The following HECW1 variants were observed in gnomAD, a reference collection of about 807,000 sequenced individuals.
The protein encoded by HECW1 is E3 ubiquitin-protein ligase HECW1.
HECW1 carries 61 observed loss-of-function variants against 182.3 expected under a neutral mutation model. The ratio of observed to expected loss-of-function variants is 0.33; its 90% CI spans 0.27 to 0.41. The LOEUF (loss-of-function observed/expected upper bound fraction) is 0.41. Among genes scored for constraint, HECW1 ranks in the 10% least tolerant of loss-of-function variants. The pLI is 1.00. For missense variants in HECW1, 1,739 were observed against 2,108.9 expected, an observed-to-expected ratio of 0.82 and a Z score of 3.44; for synonymous variants, 859 against 832.6, an observed-to-expected ratio of 1.03 and a Z score of -0.55.
chr7:43,377,468 A>C (rs2074378076), intron 6 of HECW1, among the ~76,000 whole-genome samples: 1 of 152,086 alleles, frequency 6.6e-6, no homozygotes, highest in African/African-American at 2.4e-5. Context: ...AGAGCATTAG[A>C]TCCCACTTCT....
chr7:43,553,418 C>T (rs2081911744), intron 28 of HECW1, among the ~76,000 whole-genome samples: 1 of 152,094 alleles, frequency 6.6e-6, no homozygotes, highest in South Asian at 2.1e-4. Flanking sequence ...TGACTCATGC[C>T]TGTAATCCCA....
At chr7:43,333,005 C>T (rs1811687913) in intron 5 of HECW1, among the ~76,000 whole-genome samples, 1 of 152,212 alleles carries the variant, frequency 6.6e-6, no homozygotes, top group African/African-American at 2.4e-5. Flanking sequence ...CCTTCAGAGA[C>T]TGCTCTTTAG....
intron 5 of HECW1, among the ~76,000 whole-genome samples, chr7:43,338,181 G>A (rs934978930): frequency 3.3e-5 from 5 of 152,144 alleles, no homozygotes; most frequent in African/African-American, 1.2e-4. Context: ...TGCTGCTCTT[G>A]TCGTTGGCCT....
At chr7:43,188,123 G>A (rs1288959846) in intron 2 of HECW1, among the ~76,000 whole-genome samples, 1 of 152,214 alleles carries the variant, frequency 6.6e-6, no homozygotes, top group Non-Finnish European at 1.5e-5. Context: ...GTTCCAGACT[G>A]AGGATGTCTC....
At chr7:43,478,776 A>T (rs1053744747) in intron 16 of HECW1, among the ~76,000 whole-genome samples, 2 of 152,144 alleles carry the variant, frequency 1.3e-5, no homozygotes, top group African/African-American at 2.4e-5. Flanking sequence ...GAAAATATAC[A>T]CATTCTATAA....
Position 43,444,598 on chromosome 7 carries a change from G to C in HECW1, c.1426G>C (p.Gly476Arg), listed in dbSNP as rs375279794. Reference sequence around the variant, plus strand: ...GGCATCAGCACTGCTGCTGGAAGACGGTGAAGCCCCAGCCAGCACCAAGGA... The same window carrying C: ...GGCATCAGCACTGCTGCTGGAAGACCGTGAAGCCCCAGCCAGCACCAAGGA... ...EEASALLLED[G>R]EAPASTKEEP... The change falls in exon 11 of 30, where the codon GGT becomes CGT. Residue 476 changes from glycine to arginine, a missense_variant. By Grantham distance (125) the Gly-to-Arg change is moderately radical. This residue lies in a region of HECW1 where 971 missense variants were observed against 1,029.1 expected (regional missense o/e 0.94). Transcript: ENST00000395891. This position sits in a 1 kb window ranked among gnomAD's most constrained non-coding sequence, Gnocchi z 4.3. 6.8e-6 allele frequency: 11 copies of C among 1,610,648 alleles called. No individual in the cohort carries two copies. In the African/African-American group the frequency reaches 1.5e-4, roughly 22 times the overall value.
At chr7:43,296,561 T>C (rs1455828860) in intron 3 of HECW1, among the ~76,000 whole-genome samples, 1 of 152,202 alleles carries the variant, frequency 6.6e-6, no homozygotes, top group African/African-American at 2.4e-5. Context: ...TGAGCCCTCC[T>C]CTCTCCTCTC....
At chr7:43,522,656 A>G (rs145368700) in intron 24 of HECW1, 2,005 of 158,458 alleles carry the variant, frequency 0.013, 19 homozygotes, top group Non-Finnish European at 0.019. Context: ...GTCCTCCCAC[A>G]GGCCAAGAGG....
rs563710145 is a variant in HECW1, at chr7:43,563,302, C to T, written c.*1376C>T. ...CTGCAGGCTCCAAAGACAGCCTAACCTCTCAACTACATTTGAAATAAACCC... is the reference window on the plus strand; with the variant it reads ...CTGCAGGCTCCAAAGACAGCCTAACTTCTCAACTACATTTGAAATAAACCC... On this transcript the variant is annotated 3_prime_UTR_variant, in exon 30 of 30. Transcript: ENST00000395891. 4.7e-6 allele frequency: 1 copy of T among 211,474 alleles called. No individual in the cohort carries two copies. The highest frequency in any genetic ancestry group is 5.9e-5 in the Admixed American group (1 of 16,964). The allele number at this position is 211,474 out of a possible 1,614,324, so 13.1% of individuals were successfully genotyped here.
intron 2 of HECW1, among the ~76,000 whole-genome samples, chr7:43,133,528 C>A (rs1787184496): frequency 6.6e-6 from 1 of 151,654 alleles, no homozygotes. Context: ...TTTCTAAATT[C>A]AAGTTTTTGA....
intron 2 of HECW1, among the ~76,000 whole-genome samples, chr7:43,199,598 A>G (rs572800286): frequency 6.6e-6 from 1 of 152,268 alleles, no homozygotes; most frequent in African/African-American, 2.4e-5. Context: ...ACATAGTGGG[A>G]ATTAGATTTT....
intron 6 of HECW1, among the ~76,000 whole-genome samples, chr7:43,373,774 A>G (rs1445395523): frequency 6.6e-6 from 1 of 152,130 alleles, no homozygotes; most frequent in African/African-American, 2.4e-5. Flanking sequence ...TTCTGTCCCC[A>G]CTAAACACCA....
At chr7:43,128,134 C>G (rs1166856915) in intron 2 of HECW1, among the ~76,000 whole-genome samples, 1 of 152,184 alleles carries the variant, frequency 6.6e-6, no homozygotes, top group Non-Finnish European at 1.5e-5. Context: ...CCCACCTCAG[C>G]CTCCCAAATT....
intron 11 of HECW1, 53 bp downstream of exon 11, chr7:43,445,623 G>A (rs529670669): frequency 1.8e-5 from 26 of 1,475,324 alleles, no homozygotes; most frequent in African/African-American, 1.1e-4. Context: ...GGGGACAAAG[G>A]TGTCACCAAC....
intron 3 of HECW1, among the ~76,000 whole-genome samples, chr7:43,256,481 C>CAT (rs1554330945): frequency 6.6e-6 from 1 of 151,726 alleles, no homozygotes; most frequent in Non-Finnish European, 1.5e-5. Context: ...TGGTGGCAGG[C>CAT]GCCTGTAATC....
At chr7:43,150,071 A>G (rs1280417967) in intron 2 of HECW1, among the ~76,000 whole-genome samples, 1 of 152,196 alleles carries the variant, frequency 6.6e-6, no homozygotes, top group Admixed American at 6.5e-5. Context: ...GATGATAACT[A>G]ACATTTATTG....
At chr7:43,122,040 G>A (rs751602347) in intron 2 of HECW1, 2 of 152,204 alleles carry the variant, frequency 1.3e-5, no homozygotes, top group Non-Finnish European at 2.9e-5. Flanking sequence ...AGTTAGAAGA[G>A]GTGCACTCCA....
At chr7:43,161,943 G>A (rs1032683666) in intron 2 of HECW1, among the ~76,000 whole-genome samples, 2 of 152,198 alleles carry the variant, frequency 1.3e-5, no homozygotes, top group South Asian at 2.1e-4. Context: ...ATGGGCTTGC[G>A]CCTTTCACCG....
rs188647282 is a variant in HECW1, at chr7:43,187,600, A to T, written c.-31-56275A>T. ...TAATATTCTTATGTTGTTTGTGTGA[A>T]ATTTTGATTTTATGTGATTGAATTT... On this transcript the variant is annotated intron_variant, in intron 2 of 29. Transcript: ENST00000395891. 2.7e-5 allele frequency among the ~76,000 whole-genome samples: 4 copies of T among 149,754 alleles called. No individual in the cohort carries two copies. In the East Asian group the frequency reaches 7.8e-4, roughly 29 times the overall value.
Sources: allele counts gnomAD v4.1 joint callset (sites outside exome capture counted in the v4.1 genomes callset), GRCh38; gene constraint gnomAD v4.1.1; regional missense constraint gnomAD v4.1.1; non-coding constraint Gnocchi (gnomAD v3.1); transcripts MANE v1.5; gene names NCBI Gene and HGNC (gene_info 2026-07-23, HGNC 2026-07-21).